The following ABCA13 variants were observed in gnomAD, a reference collection of about 807,000 sequenced individuals.
The protein encoded by ABCA13 is ATP binding cassette subfamily A member 13.
ABCA13 carries 476 observed loss-of-function variants against 478.7 expected under a neutral mutation model. The observed-to-expected ratio is 0.99, with a 90% CI of 0.92 to 1.07. The LOEUF is 1.07. Ranked by LOEUF, ABCA13 falls within the 50% of genes least tolerant of loss-of-function variation. The probability of loss-of-function intolerance (pLI) is 0.00; values close to 1 mark genes in which losing one functional copy is unlikely to be tolerated. For missense variants in ABCA13, 6,060 were observed against 5,910.6 expected, an observed-to-expected ratio of 1.03 and a Z score of -0.83; for synonymous variants, 2,252 against 2,158.9, an observed-to-expected ratio of 1.04 and a Z score of -1.20.
At chr7:48,552,773 C>T (rs1393884853) in intron 55 of ABCA13, among the ~76,000 whole-genome samples, 2 of 151,658 alleles carry the variant, frequency 1.3e-5, no homozygotes, top group East Asian at 3.9e-4. Context: ...ATAATAATCA[C>T]ATCATGACAA....
At chr7:48,598,772 T>C (rs1790563344) in intron 58 of ABCA13, among the ~76,000 whole-genome samples, 1 of 152,096 alleles carries the variant, frequency 6.6e-6, no homozygotes, top group African/African-American at 2.4e-5. Flanking sequence ...AATGAAGTCC[T>C]AAAGATTTTC....
intron 42 of ABCA13, among the ~76,000 whole-genome samples, chr7:48,446,928 G>T (rs1393963866): frequency 1.3e-5 from 2 of 152,166 alleles, no homozygotes; most frequent in Non-Finnish European, 2.9e-5. Flanking sequence ...AAATGGAATT[G>T]AAATAGATTT....
intron 44 of ABCA13, among the ~76,000 whole-genome samples, chr7:48,469,549 A>G (rs960374842): frequency 6.6e-6 from 1 of 150,642 alleles, no homozygotes; most frequent in Non-Finnish European, 1.5e-5. Context: ...CCTCAATGGC[A>G]GGGTAGTTCT....
intron 43 of ABCA13, among the ~76,000 whole-genome samples, chr7:48,465,836 C>G (rs1159724730): frequency 6.6e-6 from 1 of 151,826 alleles, no homozygotes; most frequent in Non-Finnish European, 1.5e-5. Context: ...CTTTCTCTCC[C>G]CTATTCTTCC....
intron 8 of ABCA13, among the ~76,000 whole-genome samples, chr7:48,238,793 T>C (rs1010195650): frequency 2.0e-5 from 3 of 152,214 alleles, no homozygotes; most frequent in African/African-American, 7.2e-5. Context: ...ATGTATAAAA[T>C]AAAGGAGATT....
intron 50 of ABCA13, 105 bp downstream of exon 50, chr7:48,508,154 G>T: frequency 1.4e-6 from 2 of 1,425,132 alleles, no homozygotes; most frequent in East Asian, 2.4e-5. Flanking sequence ...GCCTTGGAGT[G>T]TCCACAAAAA....
chr7:48,407,879 G>A (rs1421606055), intron 39 of ABCA13, among the ~76,000 whole-genome samples: 1 of 152,090 alleles, frequency 6.6e-6, no homozygotes, highest in Non-Finnish European at 1.5e-5. Context: ...ATGTAATCCA[G>A]AGATGATTTA....
At chr7:48,507,348 C>A (rs1229378523) in intron 49 of ABCA13, among the ~76,000 whole-genome samples, 1 of 152,128 alleles carries the variant, frequency 6.6e-6, no homozygotes, top group African/African-American at 2.4e-5. Flanking sequence ...AGTAGTGTTC[C>A]AGGTAAAACA....
intron 23 of ABCA13, among the ~76,000 whole-genome samples, 162 bp downstream of exon 23, chr7:48,298,649 G>A (rs965011729): frequency 6.6e-5 from 10 of 152,182 alleles, no homozygotes; most frequent in Non-Finnish European, 2.9e-5. Context: ...AAGGAAACAA[G>A]AGAACAAGCA....
intron 50 of ABCA13, among the ~76,000 whole-genome samples, chr7:48,510,795 G>A (rs1415051207): frequency 6.6e-6 from 1 of 152,076 alleles, no homozygotes; most frequent in South Asian, 2.1e-4. Context: ...CATGTTGGAT[G>A]AGGGCTCACC....
At chr7:48,293,829 T>G (rs894300238) in intron 20 of ABCA13, among the ~76,000 whole-genome samples, 2 of 152,200 alleles carry the variant, frequency 1.3e-5, no homozygotes, top group African/African-American at 4.8e-5. Flanking sequence ...CATGAAATCT[T>G]AGAGGTGGGG....
chr7:48,397,192 C>T (rs894880239), intron 38 of ABCA13, among the ~76,000 whole-genome samples: 2 of 151,936 alleles, frequency 1.3e-5, no homozygotes, highest in African/African-American at 2.4e-5. Flanking sequence ...AGTTTTGAAT[C>T]GCAAAATTAG....
Position 48,508,005 on chromosome 7 carries a change from C to G in ABCA13, c.13480C>G (p.Leu4494Val). ...GAKRLQHISG[L>V]GYRMYWFTNF... ...CAAAAGGTTGCAGCACATAAGTGGC[C>G]TTGGCTACAGGATGTACTGGTTCAC... The change falls in exon 50 of 62, where the codon CTT (leucine) becomes GTT (valine). Residue 4494 changes from leucine to valine, a missense_variant. Physicochemically the swap from Leu to Val is conservative, Grantham distance 32. This residue lies in a region of ABCA13 where 1,627 missense variants were observed against 1,571.0 expected (regional missense o/e 1.04). Coordinates refer to ENST00000435803, the MANE Select transcript of ABCA13 (RefSeq NM_152701.5). The G allele has an allele frequency of 6.2e-7, 1 of 1,613,824 alleles. No individual in the cohort carries two copies. The highest frequency in any genetic ancestry group is 8.5e-7 in the Non-Finnish European group (1 of 1,179,836).
At chr7:48,284,295 AC>A (rs1342288426) in intron 19 of ABCA13, among the ~76,000 whole-genome samples, 1 of 151,950 alleles carries the variant, frequency 6.6e-6, no homozygotes, top group Non-Finnish European at 1.5e-5. Flanking sequence ...TAAAAATGAA[AC>A]CCCAACTGCT....
Position 48,411,165 on chromosome 7 carries a change from CTCTT to C in ABCA13, c.12228+504_12228+507del, listed in dbSNP as rs200920307. ...TTCCTTTTCTTTCTCCCCTTCCCTT[CTCTT>C]TCTTTCTTTCTTTCTCTTTCTTTCC... is the stretch of plus-strand genomic sequence containing the variant. On this transcript the variant is annotated intron_variant, in intron 40 of 61. Coordinates refer to ENST00000435803, the MANE Select transcript of ABCA13 (RefSeq NM_152701.5). Among the ~76,000 whole-genome samples, 821 of 135,452 alleles carry C rather than the reference CTCTT, an allele frequency of 6.1e-3. 53 individuals are homozygous for C. The highest frequency in any genetic ancestry group is 0.019 in the African/African-American group (720 of 37,280). The allele number at this position is 135,452 out of a possible 152,430, so 88.9% of individuals were successfully genotyped here. A position where few individuals can be genotyped will look rare whatever the true frequency, so the allele number is the denominator to read the frequency against.
chr7:48,199,580 A>G (rs1295588740), intron 3 of ABCA13, among the ~76,000 whole-genome samples: 2 of 152,210 alleles, frequency 1.3e-5, no homozygotes, highest in Non-Finnish European at 2.9e-5. Context: ...GGAGATGCCA[A>G]CTTTCAGGTC....
At chr7:48,642,257 G>T (rs956000045) in intron 59 of ABCA13, among the ~76,000 whole-genome samples, 1 of 152,186 alleles carries the variant, frequency 6.6e-6, no homozygotes, top group Non-Finnish European at 1.5e-5. Flanking sequence ...AGGTCACATT[G>T]TCTTGGGTCC....
chr7:48,421,266 G>C (rs80326130), intron 41 of ABCA13, among the ~76,000 whole-genome samples: 122 of 150,790 alleles, frequency 8.1e-4, no homozygotes, highest in Non-Finnish European at 1.4e-3. Flanking sequence ...ACCTGTTTTT[G>C]CATCTTCTGA....
chr7:48,271,853 A>G lies in ABCA13; in HGVS notation c.2187A>G (p.Gln729=), dbSNP rs1344446470. ...EKKLHTLEDE[Q]MNFLLSFVEF... ...AGTTGCACACCCTTGAGGATGAACA[A>G]ATGAACTTTCTTTTATCATTTGTGG... The change falls in exon 17 of 62, where the codon CAA becomes CAG. Residue 729 remains glutamine, a synonymous_variant. Transcript: ENST00000435803. 6.3e-7 allele frequency: 1 copy of G among 1,593,898 alleles called. No individual in the cohort carries two copies. Among genetic ancestry groups the G allele is most frequent in the African/African-American group, 1.3e-5 (1 of 74,638 alleles).
Sources: allele counts gnomAD v4.1 joint callset (sites outside exome capture counted in the v4.1 genomes callset), GRCh38; gene constraint gnomAD v4.1.1; regional missense constraint gnomAD v4.1.1; transcripts MANE v1.5; gene names NCBI Gene and HGNC (gene_info 2026-07-23, HGNC 2026-07-21).